CEP112: variants seen among roughly 807,000 people sequenced by gnomAD.
The protein encoded by CEP112 is centrosomal protein 112.
In CEP112, 127 loss-of-function variants were observed where a neutral mutation model predicts 153.0. The observed-to-expected ratio is 0.83, with a 90% CI of 0.72 to 0.96. CEP112 has a LOEUF of 0.96. Ranked by LOEUF, CEP112 falls within the 40% of genes least tolerant of loss-of-function variation. The pLI, the probability that CEP112 is intolerant of heterozygous loss-of-function variation, is 0.00. For synonymous variants in CEP112, 358 were observed against 374.4 expected (o/e 0.96, Z 0.51); for missense variants, 1,089 against 1,101.2 (o/e 0.99, Z 0.16).
chr17:65,851,656 GA>G (rs1384240811), intron 21 of CEP112, 147 bp downstream of exon 21: 1 of 618,796 alleles, frequency 1.6e-6, no homozygotes, highest in African/African-American at 1.8e-5. Flanking sequence ...ATAGGAGCAA[GA>G]TACTTAAATT....
chr17:66,158,656 GAACA>G lies in CEP112; in HGVS notation c.470+16384_470+16387del, dbSNP rs560135046. ...TAAAGTTGTTCTTTGAAACCAATGA[GAACA>G]AACACACAATGTACCAGATTCTCTG... On this transcript the variant is annotated intron_variant, in intron 4 of 26. Transcript: ENST00000535342. 1.2e-4 allele frequency among the ~76,000 whole-genome samples: 19 copies of G among 152,194 alleles called. No homozygotes were observed. The East Asian group carries it at 3.5e-3, about 28-fold the overall frequency.
At chr17:66,066,939 G>T in intron 9 of CEP112, 62 bp from the exon 10 acceptor site, 1 of 1,006,258 alleles carries the variant, frequency 9.9e-7, no homozygotes, top group South Asian at 2.0e-5. Flanking sequence ...ACACTTTTTT[G>T]AATCCTGATA....
At chr17:66,103,890 AAC>A (rs1162233408) in intron 6 of CEP112, among the ~76,000 whole-genome samples, 4 of 152,336 alleles carry the variant, frequency 2.6e-5, no homozygotes, top group Non-Finnish European at 4.4e-5. Flanking sequence ...AGCAGAAAGA[AAC>A]AGCAGGCAGA....
intron 12 of CEP112, among the ~76,000 whole-genome samples, chr17:66,034,755 C>T: frequency 6.6e-6 from 1 of 151,752 alleles, no homozygotes; most frequent in South Asian, 2.1e-4. Context: ...ATCTGTATAT[C>T]ATTGAACAAA....
intron 21 of CEP112, chr17:65,804,358 A>C (rs2055461594): frequency 6.6e-6 from 1 of 152,128 alleles, no homozygotes; most frequent in African/African-American, 2.4e-5. Flanking sequence ...TCATTTATCC[A>C]TTTCAAATGT....
At chr17:66,018,822 C>T (rs1360005976) in intron 16 of CEP112, among the ~76,000 whole-genome samples, 1 of 152,166 alleles carries the variant, frequency 6.6e-6, no homozygotes, top group Non-Finnish European at 1.5e-5. Flanking sequence ...CAATTCAGTA[C>T]ATTTTAGAAC....
intron 21 of CEP112, among the ~76,000 whole-genome samples, chr17:65,768,153 C>A (rs1334789992): frequency 2.0e-5 from 3 of 151,966 alleles, no homozygotes; most frequent in Non-Finnish European, 2.9e-5. Context: ...CATGAACAAT[C>A]AATTAACACA....
chr17:65,983,411 G>A (rs1487059485), intron 17 of CEP112, among the ~76,000 whole-genome samples: 2 of 152,128 alleles, frequency 1.3e-5, no homozygotes, highest in Non-Finnish European at 2.9e-5. Flanking sequence ...GTTGGGATAT[G>A]TGTCCCCTCC....
At chr17:65,738,311 A>G (rs1598433157) in intron 23 of CEP112, among the ~76,000 whole-genome samples, 1 of 152,202 alleles carries the variant, frequency 6.6e-6, no homozygotes, top group African/African-American at 2.4e-5. Context: ...CCAAGGTAGG[A>G]GGTGGCAGGG....
chr17:65,770,381 T>C (rs7212901), intron 21 of CEP112, among the ~76,000 whole-genome samples: 62,684 of 151,674 alleles, frequency 0.41, 13,599 homozygotes, highest in East Asian at 0.78. Flanking sequence ...TAGAAATGCA[T>C]ATCCAGTGAA....
intron 21 of CEP112, among the ~76,000 whole-genome samples, chr17:65,815,088 A>T (rs140125326): frequency 1.1e-3 from 164 of 152,182 alleles, no homozygotes; most frequent in African/African-American, 3.7e-3. Flanking sequence ...AGTCCAATTG[A>T]AGAAATGTTT....
chr17:66,018,220 C>G (rs2064852922), intron 16 of CEP112, among the ~76,000 whole-genome samples: 1 of 152,070 alleles, frequency 6.6e-6, no homozygotes, highest in Admixed American at 6.5e-5. Flanking sequence ...GTCAAGGATA[C>G]ATAATATATT....
chr17:65,686,864 G>GTTT (rs34909403), intron 24 of CEP112, among the ~76,000 whole-genome samples: 171 of 150,638 alleles, frequency 1.1e-3, no homozygotes, highest in African/African-American at 2.5e-3. Flanking sequence ...TTGCTATCCA[G>GTTT]TTTTTTTTTT....
At chr17:66,188,394 CA>C (rs1301159480) in intron 1 of CEP112, among the ~76,000 whole-genome samples, 1 of 147,472 alleles carries the variant, frequency 6.8e-6, no homozygotes, top group African/African-American at 2.5e-5. Flanking sequence ...TCACCATGGT[CA>C]AACCCCCCCC....
chr17:65,880,467 G>T lies in CEP112; in HGVS notation c.2163+21685C>A, dbSNP rs2059020717. 2.6e-5 allele frequency among the ~76,000 whole-genome samples: 4 copies of T among 152,128 alleles called. 1 individual carries two copies. In the South Asian group the frequency reaches 8.3e-4, roughly 31 times the overall value. On this transcript the variant is annotated intron_variant, in intron 20 of 26. Transcript: ENST00000535342. ...AAAATGGGGGGGGCTATCTTATGGA[G>T]GCAGACAATGTGCTGAAGGCAGTTT... is the stretch of plus-strand genomic sequence containing the variant.
At chr17:65,968,173 T>C (rs1234741099) in intron 17 of CEP112, among the ~76,000 whole-genome samples, 1 of 152,032 alleles carries the variant, frequency 6.6e-6, no homozygotes, top group East Asian at 1.9e-4. Flanking sequence ...GACCACTTCT[T>C]GTTATTAGGA....
intron 17 of CEP112, among the ~76,000 whole-genome samples, chr17:66,004,359 C>T (rs981808829): frequency 1.2e-4 from 18 of 152,014 alleles, no homozygotes; most frequent in Middle Eastern, 3.2e-3. Context: ...GGCGTGGTGG[C>T]GTGTGCCTGT....
chr17:65,814,387 AG>A (rs2056151669), intron 21 of CEP112, among the ~76,000 whole-genome samples: 1 of 152,118 alleles, frequency 6.6e-6, no homozygotes, highest in Non-Finnish European at 1.5e-5. Flanking sequence ...TGGATAATGG[AG>A]TGAGTGGTTA....
chr17:65,707,726 G>T (rs896078824), intron 23 of CEP112, among the ~76,000 whole-genome samples: 3 of 152,088 alleles, frequency 2.0e-5, no homozygotes, highest in Non-Finnish European at 2.9e-5. Context: ...TGTCACACTA[G>T]CAGTATATAA....
Sources: gnomAD v4.1 joint callset for allele counts (sites outside exome capture counted in the v4.1 genomes callset) on GRCh38, gnomAD v4.1.1 for gene constraint, MANE v1.5 for transcripts, NCBI Gene and HGNC (gene_info 2026-07-23, HGNC 2026-07-21) for gene names.